APOC1: variants seen among roughly 807,000 people sequenced by gnomAD.
The protein encoded by APOC1 is apolipoprotein C1, also known as apolipoprotein C-I.
Under a neutral mutation model 6.7 loss-of-function variants are expected in APOC1, and 4 were observed. The observed-to-expected ratio is 0.60, with a 90% confidence interval of 0.29 to 1.37. APOC1 has a LOEUF of 1.37. APOC1 is among the 40% of genes most tolerant of loss of function. The pLI, the probability that APOC1 is intolerant of heterozygous loss-of-function variation, is 0.09. For missense variants in APOC1, 122 were observed against 99.4 expected (o/e 1.23, Z -0.97); for synonymous variants, 33 against 40.6 (o/e 0.81, Z 0.72).
intron 3 of APOC1, among the ~76,000 whole-genome samples, chr19:44,918,657 G>C (rs531987620): frequency 6.6e-6 from 1 of 151,914 alleles, no homozygotes; most frequent in Non-Finnish European, 1.5e-5. Context: ...GATTACAGGC[G>C]TGAGCCACGG....
rs1969972024 is a variant in APOC1 at position 44,914,699 on chromosome 19, G to A, written c.-55G>A. On this transcript the variant is annotated 5_prime_UTR_variant, in exon 1 of 4. Coordinates refer to ENST00000592535, the MANE Select transcript of APOC1 (RefSeq NM_001645.5). ...TGATAAAGGTCCTGCGGGCAGGACA[G>A]GACCTCCCAACCAAGCCCTCCAGCA... 1 of 599,322 alleles carries A rather than the reference G, an allele frequency of 1.7e-6. No individual in the cohort carries two copies. The highest frequency in any genetic ancestry group is 1.9e-5 in the South Asian group (1 of 51,578). The allele number at this position is 599,322 out of a possible 1,614,324, so 37.1% of individuals were successfully genotyped here. A position where few individuals can be genotyped will look rare whatever the true frequency, so the allele number is the denominator to read the frequency against.
chr19:44,914,652 C>A lies in APOC1; in HGVS notation c.-102C>A. ...CAGGAGGAGGGAGATCAACATCAAC[C>A]TGCCCCGCCCCCTCCCCAGCCTGAT... is the stretch of plus-strand genomic sequence containing the variant. On this transcript the variant is annotated 5_prime_UTR_variant, in exon 1 of 4. The change creates a new upstream start codon in the 5' untranslated region. Coordinates refer to ENST00000592535, the MANE Select transcript of APOC1 (RefSeq NM_001645.5). 1 of 545,796 alleles carries A rather than the reference C, an allele frequency of 1.8e-6. No homozygotes were observed. Among genetic ancestry groups the A allele is most frequent in the East Asian group, 3.1e-5 (1 of 32,520 alleles). The allele number at this position is 545,796 out of a possible 1,614,324, so 33.8% of individuals were successfully genotyped here.
intron 2 of APOC1, 165 bp downstream of exon 2, chr19:44,915,114 T>TCCGTCCCC (rs1599959125): frequency 1.4e-6 from 1 of 695,480 alleles, no homozygotes; most frequent in Non-Finnish European, 2.5e-6. Context: ...CCAGGCTCAG[T>TCCGTCCCC]CCCGCAGGCG....
chr19:44,915,097 G>A lies in APOC1; in HGVS notation c.58+148G>A, dbSNP rs747606912. ...CTCATCGTGGTCGGGTGGGTCTCCA[G>A]GTTCTCCCAGGCTCAGTCCCGCAGG... On this transcript the variant is annotated intron_variant, in intron 2 of 3. Transcript: ENST00000592535. The A allele has an allele frequency of 5.1e-6, 4 of 787,458 alleles. No individual in the cohort carries two copies. In the Admixed American group the frequency reaches 8.6e-5, roughly 17 times the overall value. The allele number at this position is 787,458 out of a possible 1,614,324, so 48.8% of individuals were successfully genotyped here.
intron 2 of APOC1, 86 bp from the exon 3 acceptor site, chr19:44,916,104 T>A (rs1306801469): frequency 9.3e-6 from 13 of 1,392,062 alleles, no homozygotes; most frequent in Non-Finnish European, 1.2e-5. Flanking sequence ...GCCACTGCAC[T>A]CCAGCTTGGG....
rs927053203 is a variant in APOC1 at position 44,916,571 on chromosome 19, A to G, written c.194+246A>G. 1.8e-5 allele frequency: 10 copies of G among 560,580 alleles called. No individual in the cohort carries two copies. In the African/African-American group the frequency reaches 2.0e-4, roughly 11 times the overall value. The allele number at this position is 560,580 out of a possible 1,614,324, so 34.7% of individuals were successfully genotyped here. A position where few individuals can be genotyped will look rare whatever the true frequency, so the allele number is the denominator to read the frequency against. ...GGTGGCTCATGCTTGCAATCCCAGC[A>G]CTTAGGGAGGCCGAGGTGGGCTGAT... is the stretch of plus-strand genomic sequence containing the variant. On this transcript the variant is annotated intron_variant, in intron 3 of 3. Coordinates refer to ENST00000592535, the MANE Select transcript of APOC1 (RefSeq NM_001645.5).
In APOC1 at chr19:44,914,667, C is replaced by T. The variant is rs566380268; in HGVS notation, c.-87C>T. On this transcript the variant is annotated 5_prime_UTR_variant, in exon 1 of 4. Transcript: ENST00000592535. ...CAACATCAACCTGCCCCGCCCCCTC[C>T]CCAGCCTGATAAAGGTCCTGCGGGC... 1 of 566,910 alleles carries T rather than the reference C, an allele frequency of 1.8e-6. No homozygotes were observed. Among genetic ancestry groups the T allele is most frequent in the African/African-American group, 1.9e-5 (1 of 53,172 alleles). 35.1% of individuals were successfully genotyped at this position (566,910 alleles called of 1,614,324 possible). A position where few individuals can be genotyped will look rare whatever the true frequency, so the allele number is the denominator to read the frequency against.
In APOC1 at chr19:44,914,701, A is replaced by T; in HGVS notation, c.-53A>T. 5 of 599,662 alleles carry T rather than the reference A, an allele frequency of 8.3e-6. No individual in the cohort carries two copies. Among genetic ancestry groups the T allele is most frequent in the Non-Finnish European group, 1.5e-5 (5 of 334,442 alleles). 37.1% of individuals were successfully genotyped at this position (599,662 alleles called of 1,614,324 possible). A position where few individuals can be genotyped will look rare whatever the true frequency, so the allele number is the denominator to read the frequency against. ...ATAAAGGTCCTGCGGGCAGGACAGG[A>T]CCTCCCAACCAAGCCCTCCAGCAAG... On this transcript the variant is annotated 5_prime_UTR_variant, in exon 1 of 4. Transcript: ENST00000592535.
At chr19:44,916,892 G>A (rs1970020432) in intron 3 of APOC1, among the ~76,000 whole-genome samples, 1 of 150,966 alleles carries the variant, frequency 6.6e-6, no homozygotes, top group Non-Finnish European at 1.5e-5. Context: ...CACTATGGGA[G>A]GCTGAGATGG....
At chr19:44,915,060 G>T (rs756420744) in intron 2 of APOC1, 111 bp downstream of exon 2, 20 of 1,211,280 alleles carry the variant, frequency 1.7e-5, no homozygotes, top group Non-Finnish European at 2.4e-5. Context: ...GCCCCTTCTG[G>T]GTCGTGGTTG....
rs776823160 is a variant in APOC1 at position 44,916,196 on chromosome 19, C to A, written c.65C>A (p.Ala22Asp). The A allele has an allele frequency of 6.3e-7, 1 of 1,583,582 alleles. No homozygotes were observed. Among genetic ancestry groups the A allele is most frequent in the Admixed American group, 1.9e-5 (1 of 53,752 alleles). ...VVLSIVLEGP[A>D]PAQGTPDVSS... ...CTGCCCATCTTCCTGGCAGGCCCAG[C>A]CCCAGCCCAGGGGACCCCAGACGTC... Residue 22 changes from alanine (A) to aspartate (D), a missense_variant, in exon 3 of 4, where the codon GCC becomes GAC. Coordinates refer to ENST00000592535, the MANE Select transcript of APOC1 (RefSeq NM_001645.5).
intron 3 of APOC1, among the ~76,000 whole-genome samples, chr19:44,916,809 CAAAAAAAAAAAA>C (rs1160183813): frequency 2.2e-5 from 1 of 46,404 alleles, no homozygotes; most frequent in African/African-American, 1.1e-4. Flanking sequence ...GACTCTGTCT[CAAAAAAAAAAAA>C]AAAAAAAAAA....
intron 2 of APOC1, among the ~76,000 whole-genome samples, chr19:44,915,491 C>T (rs1478129077): frequency 6.6e-6 from 1 of 150,804 alleles, no homozygotes. Context: ...TTTGTATTTT[C>T]AGTAGAGACA....
chr19:44,918,337 C>CTTTTT (rs1200008263), intron 3 of APOC1, among the ~76,000 whole-genome samples: 45 of 90,274 alleles, frequency 5.0e-4, no homozygotes, highest in African/African-American at 8.1e-4. Context: ...TGAAGTGTTT[C>CTTTTT]TTTTTTTTTT....
intron 3 of APOC1, among the ~76,000 whole-genome samples, chr19:44,917,961 G>A (rs869049779): frequency 2.6e-5 from 4 of 150,978 alleles, no homozygotes; most frequent in African/African-American, 7.3e-5. Flanking sequence ...GCGACAAGGC[G>A]AGACTCCATG....
chr19:44,916,815 A>G (rs1970017670), intron 3 of APOC1, among the ~76,000 whole-genome samples: 1 of 137,568 alleles, frequency 7.3e-6, no homozygotes, highest in South Asian at 2.3e-4. Context: ...GTCTCAAAAA[A>G]AAAAAAAAAA....
At chr19:44,918,774 C>T (rs1169916845) in intron 3 of APOC1, 2 of 175,504 alleles carry the variant, frequency 1.1e-5, no homozygotes, top group African/African-American at 4.8e-5. Context: ...ATTCTCCTGC[C>T]TCAGCCTCAT....
rs5114 is a variant in APOC1 at position 44,915,189 on chromosome 19, C to T, written c.58+240C>T. ...TTGAGGCCCACACCTCTGGGATTGG[C>T]TGTCCTGCTTCGACAGCCTTGAAAG... On this transcript the variant is annotated intron_variant, in intron 2 of 3. Coordinates refer to ENST00000592535, the MANE Select transcript of APOC1 (RefSeq NM_001645.5). 4.1e-3 allele frequency: 2,317 copies of T among 568,182 alleles called. 33 individuals are homozygous for T. The highest frequency in any genetic ancestry group is 0.037 in the African/African-American group (1,954 of 53,134). 35.2% of individuals were successfully genotyped at this position (568,182 alleles called of 1,614,324 possible). A position where few individuals can be genotyped will look rare whatever the true frequency, so the allele number is the denominator to read the frequency against.
At chr19:44,918,337 C>CTTTTTTTTTT (rs1200008263) in intron 3 of APOC1, among the ~76,000 whole-genome samples, 2 of 90,332 alleles carry the variant, frequency 2.2e-5, no homozygotes, top group East Asian at 4.0e-4. Context: ...TGAAGTGTTT[C>CTTTTTTTTTT]TTTTTTTTTT....
Sources: gnomAD v4.1 joint callset for allele counts (sites outside exome capture counted in the v4.1 genomes callset) on GRCh38, gnomAD v4.1.1 for gene constraint, MANE v1.5 for transcripts, NCBI Gene and HGNC (gene_info 2026-07-23, HGNC 2026-07-21) for gene names.